The following GSK3B variants were observed in gnomAD, a reference collection of about 807,000 sequenced individuals.
GSK3B encodes the protein glycogen synthase kinase 3 beta, also known as glycogen synthase kinase-3 beta.
GSK3B carries 15 observed loss-of-function variants against 56.4 expected under a neutral mutation model. The observed-to-expected ratio is 0.27, with a 90% CI of 0.18 to 0.41. The LOEUF (loss-of-function observed/expected upper bound fraction) is 0.41. GSK3B is among the 10% of genes least tolerant of loss of function. The pLI is 1.00. For synonymous variants in GSK3B, 181 were observed against 188.9 expected (o/e 0.96, Z 0.34); for missense variants, 300 against 513.4 (o/e 0.58, Z 4.02).
chr3:120,001,070 G>A (rs947394560), intron 2 of GSK3B, among the ~76,000 whole-genome samples: 4 of 151,428 alleles, frequency 2.6e-5, no homozygotes, highest in Non-Finnish European at 4.4e-5. Context: ...GACTACAAGC[G>A]CCCGCCACCA....
At position 120,008,463 on chromosome 3, in the gene GSK3B, A is replaced by G. The variant is rs2057748927; in HGVS notation, c.89-6224T>C. ...ATGTAACCTGACTTCAAACTTTACT[A>G]CAAGGCTACAGTAATCCAAACAGCA... On this transcript the variant is annotated intron_variant, in intron 1 of 10. Coordinates refer to ENST00000264235, the MANE Select transcript of GSK3B (RefSeq NM_001146156.2). 3.9e-5 allele frequency among the ~76,000 whole-genome samples: 6 copies of G among 152,340 alleles called. No homozygotes were observed. In the South Asian group the frequency reaches 1.2e-3, roughly 32 times the overall value.
At chr3:120,023,767 T>C (rs894896302) in intron 1 of GSK3B, among the ~76,000 whole-genome samples, 22 of 152,260 alleles carry the variant, frequency 1.4e-4, no homozygotes, top group Non-Finnish European at 2.6e-4. Context: ...CTAGGTACCA[T>C]GAAAAGATGA....
chr3:119,880,357 A>T (rs1317288783), intron 7 of GSK3B, among the ~76,000 whole-genome samples: 2 of 152,104 alleles, frequency 1.3e-5, no homozygotes, highest in African/African-American at 4.8e-5. Context: ...CTTCTTATAT[A>T]TTCTGGTTAT....
chr3:119,917,638 G>C (rs1220774171), intron 4 of GSK3B, among the ~76,000 whole-genome samples: 1 of 145,812 alleles, frequency 6.9e-6, no homozygotes, highest in Non-Finnish European at 1.5e-5. Context: ...AGGTCTGCAA[G>C]AATCAGTGAA....
chr3:119,862,524 TAAAAA>T (rs5852229), intron 9 of GSK3B, among the ~76,000 whole-genome samples: 1 of 111,896 alleles, frequency 8.9e-6, no homozygotes, highest in Non-Finnish European at 1.8e-5. Context: ...TAGAGTATAA[TAAAAA>T]AAAAAAAAAA....
chr3:120,016,076 T>C (rs181230075), intron 1 of GSK3B, among the ~76,000 whole-genome samples: 2 of 152,230 alleles, frequency 1.3e-5, no homozygotes, highest in African/African-American at 4.8e-5. Context: ...TATGCAGCAA[T>C]TGGCAAAAAC....
At chr3:119,936,302 C>T (rs1170141166) in intron 3 of GSK3B, among the ~76,000 whole-genome samples, 1 of 146,014 alleles carries the variant, frequency 6.8e-6, no homozygotes, top group Non-Finnish European at 1.5e-5. Flanking sequence ...ATATAAATAA[C>T]ATAAATATAT....
intron 6 of GSK3B, among the ~76,000 whole-genome samples, chr3:119,907,644 G>A (rs553908472): frequency 6.6e-6 from 1 of 152,210 alleles, no homozygotes; most frequent in South Asian, 2.1e-4. Flanking sequence ...AGTTAGTTGG[G>A]GTTAAAGCCA....
At chr3:120,082,151 G>GT (rs2058424961) in intron 1 of GSK3B, among the ~76,000 whole-genome samples, 2 of 152,000 alleles carry the variant, frequency 1.3e-5, no homozygotes, top group Non-Finnish European at 2.9e-5. Context: ...TCTGAAAAAC[G>GT]TAACAATTTT....
At chr3:119,889,062 C>T (rs907139255) in intron 7 of GSK3B, among the ~76,000 whole-genome samples, 3 of 152,156 alleles carry the variant, frequency 2.0e-5, no homozygotes, top group African/African-American at 7.2e-5. Context: ...GTCCTTTGTC[C>T]TGTTTCCTCA....
intron 1 of GSK3B, among the ~76,000 whole-genome samples, chr3:120,002,764 C>A (rs1351261049): frequency 6.6e-6 from 1 of 152,166 alleles, no homozygotes; most frequent in East Asian, 1.9e-4. Context: ...AGACCAGACA[C>A]AATGCTTAGT....
chr3:119,832,753 A>G (rs1005586334), intron 10 of GSK3B, among the ~76,000 whole-genome samples: 3 of 152,242 alleles, frequency 2.0e-5, no homozygotes, highest in South Asian at 2.1e-4. Context: ...ATTAAAACCA[A>G]TTTTATTCTG....
Position 120,009,992 on chromosome 3 carries a change from C to T in GSK3B, c.89-7753G>A, listed in dbSNP as rs1053739059. Among the ~76,000 whole-genome samples, 11 of 152,106 alleles carry T rather than the reference C, an allele frequency of 7.2e-5. No homozygotes were observed. The East Asian group carries it at 1.7e-3, about 24-fold the overall frequency. On this transcript the variant is annotated intron_variant, in intron 1 of 10. Transcript: ENST00000264235. ...TTAGGTCCAAGGTAAAACACTCAAACTGGCATGATTTAATCACCCCAAATC... is the reference window on the plus strand; with the variant it reads ...TTAGGTCCAAGGTAAAACACTCAAATTGGCATGATTTAATCACCCCAAATC...
At chr3:119,857,612 A>G (rs2056039768) in intron 9 of GSK3B, among the ~76,000 whole-genome samples, 1 of 152,206 alleles carries the variant, frequency 6.6e-6, no homozygotes, top group South Asian at 2.1e-4. Context: ...TGAAGTCTTG[A>G]GCCCCTCAGA....
At chr3:120,073,997 T>C (rs185220108) in intron 1 of GSK3B, among the ~76,000 whole-genome samples, 8 of 152,218 alleles carry the variant, frequency 5.3e-5, no homozygotes, top group East Asian at 3.9e-4. Flanking sequence ...GACATTACAA[T>C]AGAAGCCTCA....
At chr3:120,072,788 C>T (rs536283559) in intron 1 of GSK3B, among the ~76,000 whole-genome samples, 2 of 152,028 alleles carry the variant, frequency 1.3e-5, no homozygotes. Context: ...AAAACAACAA[C>T]AAAAATTATT....
chr3:120,040,064 G>T (rs1444719800), intron 1 of GSK3B, among the ~76,000 whole-genome samples: 2 of 152,224 alleles, frequency 1.3e-5, no homozygotes, highest in Non-Finnish European at 2.9e-5. Context: ...GCAGCTCGGG[G>T]AAAGGAGGCT....
chr3:119,895,022 T>G (rs1333833214), intron 7 of GSK3B, among the ~76,000 whole-genome samples: 1 of 152,142 alleles, frequency 6.6e-6, no homozygotes, highest in Non-Finnish European at 1.5e-5. Context: ...CCGATTACAT[T>G]AAATACTTAT....
intron 9 of GSK3B, among the ~76,000 whole-genome samples, chr3:119,854,938 T>C (rs558877246): frequency 2.3e-4 from 35 of 152,356 alleles, no homozygotes; most frequent in African/African-American, 8.2e-4. Flanking sequence ...GCTCTGACCT[T>C]AGTTATTTCT....
Sources: gnomAD v4.1 joint callset for allele counts (sites outside exome capture counted in the v4.1 genomes callset) on GRCh38, gnomAD v4.1.1 for gene constraint, MANE v1.5 for transcripts, NCBI Gene and HGNC (gene_info 2026-07-23, HGNC 2026-07-21) for gene names.